Variants in ZBBX observed in about 807,000 individuals in gnomAD.
ZBBX encodes zinc finger B-box domain containing, also known as zinc finger B-box domain-containing protein 1.
In ZBBX, 101 loss-of-function variants were observed where a neutral mutation model predicts 108.5. The observed-to-expected ratio is 0.93, with a 90% CI of 0.79 to 1.10. The LOEUF (loss-of-function observed/expected upper bound fraction) is 1.10. Ranked by LOEUF, ZBBX falls within the 50% of genes least tolerant of loss-of-function variation. The pLI is 0.00. For missense variants in ZBBX, 1,009 were observed against 941.4 expected (o/e 1.07, Z -0.94); for synonymous variants, 356 against 323.4 (o/e 1.10, Z -1.08).
chr3:167,365,998 T>C (rs1401440397), intron 5 of ZBBX, 22 bp from the exon 6 acceptor site: 4 of 1,528,784 alleles, frequency 2.6e-6, no homozygotes, highest in South Asian at 1.2e-5. Context: ...ATAAACAAGA[T>C]AAAATGTAAT....
chr3:167,335,200 G>T (rs1739354996), intron 9 of ZBBX, among the ~76,000 whole-genome samples: 1 of 152,016 alleles, frequency 6.6e-6, no homozygotes, highest in East Asian at 1.9e-4. Context: ...ATATTTTAAT[G>T]ATTTTATGGC....
At chr3:167,245,980 C>G (rs1025925393) in intron 20 of ZBBX, among the ~76,000 whole-genome samples, 1 of 152,086 alleles carries the variant, frequency 6.6e-6, no homozygotes, top group Non-Finnish European at 1.5e-5. Context: ...GTGGGAGTAG[C>G]TTTGCCTGGG....
intron 17 of ZBBX, among the ~76,000 whole-genome samples, chr3:167,303,396 C>T (rs975894513): frequency 1.3e-5 from 2 of 152,256 alleles, no homozygotes; most frequent in East Asian, 3.9e-4. Flanking sequence ...ATATTATCCT[C>T]ATTCAAATTT....
intron 20 of ZBBX, among the ~76,000 whole-genome samples, chr3:167,256,568 T>G (rs2108390812): frequency 6.6e-6 from 1 of 152,154 alleles, no homozygotes; most frequent in South Asian, 2.1e-4. Flanking sequence ...TTTCTAACTA[T>G]TTTTTGGACC....
At chr3:167,236,497 G>A (rs73879635), downstream of ZBBX, among the ~76,000 whole-genome samples, 422 of 151,902 alleles carry the variant, frequency 2.8e-3, 4 homozygotes, top group African/African-American at 9.5e-3. Context: ...GTTCCTTTGA[G>A]CTAAGGAAAG....
the ZBBX span, among the ~76,000 whole-genome samples, chr3:167,233,553 C>G: frequency 6.6e-6 from 1 of 151,642 alleles, no homozygotes; most frequent in Non-Finnish European, 1.5e-5. Context: ...TGTCCCAGGT[C>G]CCAGAAACTG....
At chr3:167,368,022 T>A (rs889818984) in intron 5 of ZBBX, among the ~76,000 whole-genome samples, 2 of 148,126 alleles carry the variant, frequency 1.4e-5, no homozygotes, top group South Asian at 4.2e-4. Flanking sequence ...ATTTTTCAGA[T>A]CTTCATTATG....
At chr3:167,387,084 G>A (rs1747943679) in intron 1 of ZBBX, among the ~76,000 whole-genome samples, 1 of 152,008 alleles carries the variant, frequency 6.6e-6, no homozygotes, top group African/African-American at 2.4e-5. Context: ...TATGCCCATT[G>A]TGAGTTAATA....
chr3:167,303,193 C>T (rs1235541895), intron 17 of ZBBX, among the ~76,000 whole-genome samples: 1 of 152,124 alleles, frequency 6.6e-6, no homozygotes, highest in South Asian at 2.1e-4. Context: ...CTATGGTCCC[C>T]TTTTCCTTTA....
intron 16 of ZBBX, among the ~76,000 whole-genome samples, chr3:167,313,322 C>T (rs1734902667): frequency 6.6e-6 from 1 of 152,174 alleles, no homozygotes; most frequent in African/African-American, 2.4e-5. Flanking sequence ...GTCGCCTAGG[C>T]TGGAGTGCAA....
chr3:167,266,373 C>G (rs555544712), intron 20 of ZBBX, among the ~76,000 whole-genome samples: 1 of 152,268 alleles, frequency 6.6e-6, no homozygotes, highest in African/African-American at 2.4e-5. Flanking sequence ...ACCCTTTGTT[C>G]TCCAACTTAA....
At chr3:167,231,601 T>C in the ZBBX span, among the ~76,000 whole-genome samples, 1 of 151,726 alleles carries the variant, frequency 6.6e-6, no homozygotes, top group African/African-American at 2.4e-5. Flanking sequence ...ATTTTACTAA[T>C]GAGGGGAGCA....
chr3:167,301,873 C>T (rs11916770), intron 17 of ZBBX, among the ~76,000 whole-genome samples: 59,484 of 147,024 alleles, frequency 0.4, 11,954 homozygotes, highest in Non-Finnish European at 0.43. Context: ...AGGAGAATGG[C>T]GGGAACCCGG....
At chr3:167,254,392 G>T (rs1723112077) in intron 20 of ZBBX, among the ~76,000 whole-genome samples, 1 of 152,050 alleles carries the variant, frequency 6.6e-6, no homozygotes, top group Non-Finnish European at 1.5e-5. Context: ...CAAATTTTCT[G>T]TTTTAACTTA....
chr3:167,240,660 T>C lies in ZBBX; in HGVS notation c.*133A>G, dbSNP rs1472843595. ...AACTTATAATTTTACTTTTATTAGT[T>C]TGTAGCCTTGAAACATCAAAGACAT... On this transcript the variant is annotated 3_prime_UTR_variant, in exon 22 of 22. Transcript: ENST00000675490. 1 of 1,061,960 alleles carries C rather than the reference T, an allele frequency of 9.4e-7. No homozygotes were observed. Among genetic ancestry groups the C allele is most frequent in the Admixed American group, 2.6e-5 (1 of 38,722 alleles). The allele number at this position is 1,061,960 out of a possible 1,614,324, so 65.8% of individuals were successfully genotyped here.
At chr3:167,324,299 C>G (rs1736986448) in intron 11 of ZBBX, among the ~76,000 whole-genome samples, 1 of 152,020 alleles carries the variant, frequency 6.6e-6, no homozygotes, top group Admixed American at 6.6e-5. Context: ...TTCACATTAT[C>G]ATGTATGACT....
At chr3:167,272,957 T>C (rs1046439493) in intron 20 of ZBBX, among the ~76,000 whole-genome samples, 6 of 152,180 alleles carry the variant, frequency 3.9e-5, no homozygotes, top group African/African-American at 9.7e-5. Context: ...TGTAATCCCA[T>C]ATACATTTCT....
At chr3:167,348,264 A>AAGGAAGGAAGGG in intron 9 of ZBBX, among the ~76,000 whole-genome samples, 1 of 84,682 alleles carries the variant, frequency 1.2e-5, no homozygotes, top group Non-Finnish European at 2.8e-5. Flanking sequence ...GGTGGAAGGG[A>AAGGAAGGAAGGG]AGGAAGGAAG....
At chr3:167,352,400 C>A (rs1351245960) in intron 8 of ZBBX, among the ~76,000 whole-genome samples, 1 of 151,988 alleles carries the variant, frequency 6.6e-6, no homozygotes, top group Non-Finnish European at 1.5e-5. Flanking sequence ...GAATAAATTC[C>A]TGGAAACGCA....
Sources: allele counts gnomAD v4.1 joint callset (sites outside exome capture counted in the v4.1 genomes callset), GRCh38; gene constraint gnomAD v4.1.1; transcripts MANE v1.5; gene names NCBI Gene and HGNC (gene_info 2026-07-23, HGNC 2026-07-21).